Variants in RBMS3 observed in about 807,000 individuals in gnomAD.
RBMS3 encodes the protein RNA binding motif single stranded interacting protein 3.
In RBMS3, 27 loss-of-function variants were observed where a neutral mutation model predicts 66.8. The ratio of observed to expected loss-of-function variants is 0.40; its 90% confidence interval spans 0.30 to 0.56. RBMS3 has a LOEUF of 0.56. RBMS3 is among the 20% of genes least tolerant of loss of function. The probability of loss-of-function intolerance (pLI) is 0.40; values close to 1 mark genes in which losing one functional copy is unlikely to be tolerated. For synonymous variants in RBMS3, 188 were observed against 183.0 expected, an observed-to-expected ratio of 1.03 and a Z score of -0.22; for missense variants, 513 against 549.5, an observed-to-expected ratio of 0.93 and a Z score of 0.66.
At chr3:29,357,825 C>T (rs1019865847) in intron 1 of RBMS3, among the ~76,000 whole-genome samples, 7 of 152,062 alleles carry the variant, frequency 4.6e-5, no homozygotes, top group African/African-American at 9.7e-5. Context: ...TTTCATGTGT[C>T]TGTTGGCTGC....
At chr3:29,618,130 C>T (rs990842883) in intron 4 of RBMS3, among the ~76,000 whole-genome samples, 8 of 152,084 alleles carry the variant, frequency 5.3e-5, no homozygotes, top group African/African-American at 1.9e-4. Flanking sequence ...TAGACTACCT[C>T]AGAACATTTA....
chr3:29,465,542 A>ATT (rs34857596), intron 2 of RBMS3, among the ~76,000 whole-genome samples: 3 of 133,218 alleles, frequency 2.3e-5, no homozygotes, highest in East Asian at 4.3e-4. Flanking sequence ...ATGTGCCCTT[A>ATT]TTTTTTTTTT....
chr3:29,287,196 A>G (rs2032422140), intron 1 of RBMS3, among the ~76,000 whole-genome samples: 1 of 152,138 alleles, frequency 6.6e-6, no homozygotes, highest in South Asian at 2.1e-4. Flanking sequence ...GGAAAACGGA[A>G]ACAGACATAT....
chr3:29,920,466 G>A (rs2060742431), intron 10 of RBMS3, among the ~76,000 whole-genome samples: 2 of 152,066 alleles, frequency 1.3e-5, no homozygotes, highest in African/African-American at 4.8e-5. Flanking sequence ...CTGTTTTTCT[G>A]AAATTTTTGC....
rs146890174 is a variant in RBMS3 at position 29,586,352 on chromosome 3, C to T, written c.308-762C>T. On this transcript the variant is annotated intron_variant, in intron 3 of 14. Transcript: ENST00000383767. Reference sequence around the variant, plus strand: ...TTTGCTTTCACCATATATAGACATCCACACAAGCACACAATCAGAATAGCA... The same window carrying T: ...TTTGCTTTCACCATATATAGACATCTACACAAGCACACAATCAGAATAGCA... 3.8e-3 allele frequency among the ~76,000 whole-genome samples: 580 copies of T among 152,184 alleles called. 7 individuals are homozygous for T. Among genetic ancestry groups the T allele is most frequent in the African/African-American group, 0.013 (560 of 41,520 alleles).
chr3:29,829,640 G>A (rs541824538), intron 6 of RBMS3, among the ~76,000 whole-genome samples: 29 of 152,182 alleles, frequency 1.9e-4, no homozygotes, highest in Non-Finnish European at 2.5e-4. Context: ...CAACCATTGA[G>A]CATATACTTT....
rs746158671 is a variant in RBMS3, at chr3:29,936,172, C to A, written c.1026C>A (p.His342Gln). The A allele has an allele frequency of 6.2e-7, 1 of 1,613,100 alleles. No homozygotes were observed. Among genetic ancestry groups the A allele is most frequent in the Non-Finnish European group, 8.5e-7 (1 of 1,179,446 alleles). The change falls in exon 11 of 15, where the codon CAC (histidine) becomes CAA (glutamine). Residue 342 changes from histidine to glutamine, a missense_variant. Coordinates refer to ENST00000383767, the MANE Select transcript of RBMS3 (RefSeq NM_001003793.3). Reference protein sequence around the residue: ...MMGPLTQQMNHLSLGTTGTIQ... With the variant: ...MMGPLTQQMNQLSLGTTGTIQ... ...GCCCACTGACACAGCAGATGAATCA[C>A]CTTTCGTTGGGCACAACAGGAACGG...
At chr3:29,638,232 A>T (rs1329896264) in intron 4 of RBMS3, among the ~76,000 whole-genome samples, 1 of 148,256 alleles carries the variant, frequency 6.7e-6, no homozygotes, top group African/African-American at 2.5e-5. Context: ...TCTTGTAGTA[A>T]TTTTTTTTTT....
In RBMS3 at chr3:29,281,318, T is replaced by TC. The variant is rs372492125; in HGVS notation, c.-359dup. On this transcript the variant is annotated 5_prime_UTR_variant, in exon 1 of 15. Coordinates refer to ENST00000383767, the MANE Select transcript of RBMS3 (RefSeq NM_001003793.3). The stretch of plus-strand genomic sequence containing the variant: ...TGTGCTAAAAGGACTTTGATTTTTT[T>TC]CCCCCTTTACGAACGCTGGCAATTG... 2.7e-5 allele frequency: 7 copies of TC among 254,646 alleles called. No individual in the cohort carries two copies. The highest frequency in any genetic ancestry group is 2.5e-4 in the South Asian group (3 of 11,966). The allele number at this position is 254,646 out of a possible 1,614,324, so 15.8% of individuals were successfully genotyped here. A position where few individuals can be genotyped will look rare whatever the true frequency, so the allele number is the denominator to read the frequency against.
intron 1 of RBMS3, among the ~76,000 whole-genome samples, chr3:29,376,316 A>C (rs2038462172): frequency 1.3e-5 from 2 of 152,210 alleles, no homozygotes; most frequent in African/African-American, 4.8e-5. Flanking sequence ...AATGTAACAC[A>C]CCTGCACATC....
At chr3:29,357,397 C>T (rs2037290063) in intron 1 of RBMS3, among the ~76,000 whole-genome samples, 2 of 152,130 alleles carry the variant, frequency 1.3e-5, no homozygotes, top group South Asian at 4.2e-4. Flanking sequence ...TTTATAGCAG[C>T]AAAGTATTCC....
At chr3:29,393,763 C>G (rs182014578) in intron 1 of RBMS3, among the ~76,000 whole-genome samples, 1 of 151,518 alleles carries the variant, frequency 6.6e-6, no homozygotes, top group Non-Finnish European at 1.5e-5. Flanking sequence ...GGGGTGACAT[C>G]ATGTATTGGC....
chr3:29,937,152 G>A (rs72848102), intron 11 of RBMS3, among the ~76,000 whole-genome samples: 4,735 of 152,040 alleles, frequency 0.031, 217 homozygotes, highest in African/African-American at 0.098. Flanking sequence ...TAAAACTTGC[G>A]TAAGCCCTGT....
At chr3:29,769,496 T>C (rs1434861824) in intron 6 of RBMS3, among the ~76,000 whole-genome samples, 1 of 151,836 alleles carries the variant, frequency 6.6e-6, no homozygotes, top group Non-Finnish European at 1.5e-5. Context: ...GATTAGAAGG[T>C]TGGAAGGTCT....
chr3:29,559,090 T>C (rs1421218905), intron 3 of RBMS3, among the ~76,000 whole-genome samples: 1 of 152,142 alleles, frequency 6.6e-6, no homozygotes, highest in Non-Finnish European at 1.5e-5. Flanking sequence ...AAGAGATAGC[T>C]ATCCAATGAA....
intron 6 of RBMS3, among the ~76,000 whole-genome samples, chr3:29,842,191 A>G (rs77621284): frequency 6.6e-6 from 1 of 152,144 alleles, no homozygotes; most frequent in Non-Finnish European, 1.5e-5. Flanking sequence ...TCAGTGCACC[A>G]TTCACATTAT....
intron 1 of RBMS3, among the ~76,000 whole-genome samples, chr3:29,371,863 A>T (rs2038221358): frequency 2.0e-5 from 3 of 152,116 alleles, no homozygotes; most frequent in African/African-American, 7.2e-5. Flanking sequence ...CATTTACAAG[A>T]AGTTTTTTTT....
intron 3 of RBMS3, among the ~76,000 whole-genome samples, chr3:29,516,899 G>C (rs2044648257): frequency 6.6e-6 from 1 of 152,120 alleles, no homozygotes; most frequent in South Asian, 2.1e-4. Flanking sequence ...AGTACATGTT[G>C]AAACAATAAA....
rs149137730 is a variant in RBMS3, at chr3:29,815,640, C to T, written c.637+52651C>T. Among the ~76,000 whole-genome samples the T allele has an allele frequency of 2.9e-3, 441 of 152,252 alleles. 1 individual carries two copies. The highest frequency in any genetic ancestry group is 9.8e-3 in the African/African-American group (407 of 41,546). On this transcript the variant is annotated intron_variant, in intron 6 of 14. Transcript: ENST00000383767. ...TGAAATAATGTCTTTTGCAGCAACTCGAATGCAGCTGGAGGCGATTATTCT... is the reference window on the plus strand; with the variant it reads ...TGAAATAATGTCTTTTGCAGCAACTTGAATGCAGCTGGAGGCGATTATTCT...
Sources: gnomAD v4.1 joint callset for allele counts (sites outside exome capture counted in the v4.1 genomes callset) on GRCh38, gnomAD v4.1.1 for gene constraint, MANE v1.5 for transcripts, NCBI Gene and HGNC (gene_info 2026-07-23, HGNC 2026-07-21) for gene names.